Variants in USP4 observed in about 807,000 individuals in gnomAD.
USP4 encodes the protein ubiquitin carboxyl-terminal hydrolase 4.
Under a neutral mutation model 118.2 loss-of-function variants are expected in USP4, and 72 were observed. The ratio of observed to expected loss-of-function variants is 0.61; its 90% CI spans 0.50 to 0.74. USP4 has a LOEUF of 0.74. USP4 is among the 30% of genes least tolerant of loss of function. USP4 has a pLI of 0.00. For synonymous variants in USP4, 415 were observed against 440.4 expected (o/e 0.94, Z 0.72); for missense variants, 1,037 against 1,185.7 (o/e 0.87, Z 1.84).
At chr3:49,298,043 GA>G (rs547623796) in intron 12 of USP4, 79 bp from the exon 13 acceptor site, 1,278 of 839,476 alleles carry the variant, frequency 1.5e-3, no homozygotes, top group South Asian at 2.1e-3. Context: ...AGAAACAAAT[GA>G]AAAAAAAAAT....
intron 2 of USP4, among the ~76,000 whole-genome samples, chr3:49,331,574 T>C (rs1373215099): frequency 6.6e-6 from 1 of 152,138 alleles, no homozygotes; most frequent in African/African-American, 2.4e-5. Flanking sequence ...TAAGCCGAGA[T>C]TGCACCACTG....
intron 2 of USP4, among the ~76,000 whole-genome samples, chr3:49,328,675 C>T (rs2047582414): frequency 6.6e-6 from 1 of 151,598 alleles, no homozygotes; most frequent in Admixed American, 6.6e-5. Context: ...GCCTGGCCAA[C>T]ATGGTGAAAC....
intron 4 of USP4, 152 bp from the exon 5 acceptor site, chr3:49,325,191 T>C: frequency 1.0e-6 from 1 of 987,576 alleles, no homozygotes; most frequent in Non-Finnish European, 1.5e-6. Context: ...TCATCTCCCA[T>C]GGGTGGCCTC....
chr3:49,280,217 C>A (rs1490810973), intron 20 of USP4, among the ~76,000 whole-genome samples: 1 of 151,150 alleles, frequency 6.6e-6, no homozygotes, highest in Non-Finnish European at 1.5e-5. Flanking sequence ...TGAGCCGAGA[C>A]TGCGCCACTG....
chr3:49,316,755 GC>G (rs2107792295), intron 6 of USP4: 1 of 403,098 alleles, frequency 2.5e-6, no homozygotes. Flanking sequence ...CCTGCCCTGG[GC>G]CTCTGCTGGC....
At position 49,336,338 on chromosome 3, in the gene USP4, ATT is replaced by A. The variant is rs1330711484; in HGVS notation, c.102-744_102-743del. Among the ~76,000 whole-genome samples, 17 of 142,728 alleles carry A rather than the reference ATT, an allele frequency of 1.2e-4. No homozygotes were observed. In the East Asian group the frequency reaches 2.6e-3, roughly 21 times the overall value. 93.6% of individuals were successfully genotyped at this position (142,728 alleles called of 152,430 possible). On this transcript the variant is annotated intron_variant, in intron 1 of 21. Transcript: ENST00000265560. ...AGGCATGCATCACCAGGCCCAGCTA[ATT>A]TTTTTGTATTTTTAGTAGAGATGGA...
chr3:49,310,766 A>G (rs1575611850), intron 7 of USP4, 29 bp from the exon 8 acceptor site: 1 of 1,559,300 alleles, frequency 6.4e-7, no homozygotes, highest in African/African-American at 1.4e-5. Flanking sequence ...ATCAGCAATA[A>G]AAGCAAGTGC....
intron 2 of USP4, among the ~76,000 whole-genome samples, chr3:49,330,008 C>T (rs1369373658): frequency 2.0e-5 from 3 of 151,648 alleles, no homozygotes; most frequent in South Asian, 2.1e-4. Context: ...GGTGGAGGGA[C>T]GGGCACCTGT....
rs116868114 is a variant in USP4 at position 49,289,855 on chromosome 3, C to G, written c.1972+2655G>C. On this transcript the variant is annotated intron_variant, in intron 15 of 21. Transcript: ENST00000265560. ...GTGTGGCGGCTCACGCCTATGATCC[C>G]AGCACTCTGGGAGGCCAAGGTGGGT... Among the ~76,000 whole-genome samples the G allele has an allele frequency of 1.1e-3, 171 of 152,190 alleles. 4 individuals carry two copies. The East Asian group carries it at 0.031, about 27-fold the overall frequency.
In USP4 at chr3:49,323,271, T is replaced by TAA. The variant is rs1173500243; in HGVS notation, c.695+1429_695+1430dup. Among the ~76,000 whole-genome samples the TAA allele has an allele frequency of 4.5e-3, 460 of 101,212 alleles. 4 individuals carry two copies. Among genetic ancestry groups the TAA allele is most frequent in the African/African-American group, 0.016 (433 of 26,688 alleles). 66.4% of individuals were successfully genotyped at this position (101,212 alleles called of 152,430 possible). On this transcript the variant is annotated intron_variant, in intron 6 of 21. Transcript: ENST00000265560. ...CATGAGCCACTGCTCCTGGCCTTTTTAAAAAAAAAAAAAAAAAAAAAAAAA... is the reference window on the plus strand; with the variant it reads ...CATGAGCCACTGCTCCTGGCCTTTTTAAAAAAAAAAAAAAAAAAAAAAAAAAA...
chr3:49,326,296 G>A (rs890193457), intron 3 of USP4, among the ~76,000 whole-genome samples: 1 of 151,994 alleles, frequency 6.6e-6, no homozygotes, highest in South Asian at 2.1e-4. Context: ...CAGCCTGGGC[G>A]ACAGAGCGAG....
intron 11 of USP4, 97 bp from the exon 12 acceptor site, chr3:49,298,732 C>T (rs2047234528): frequency 1.9e-6 from 2 of 1,067,188 alleles, no homozygotes; most frequent in South Asian, 1.3e-5. Context: ...AGGAGCCCTT[C>T]TAGAAACAAT....
intron 20 of USP4, 32 bp downstream of exon 20, chr3:49,280,712 C>T (rs773649320): frequency 1.3e-6 from 2 of 1,580,262 alleles, no homozygotes; most frequent in South Asian, 2.2e-5. Context: ...CACATTTCAA[C>T]ATCTCAGAAG....
chr3:49,311,820 G>A, intron 6 of USP4, 166 bp from the exon 7 acceptor site: 3 of 1,330,836 alleles, frequency 2.3e-6, no homozygotes, highest in Non-Finnish European at 2.9e-6. Flanking sequence ...ATTTAAGTGA[G>A]AGTCCACAAA....
chr3:49,334,037 T>C (rs948883053), intron 2 of USP4, among the ~76,000 whole-genome samples: 1 of 151,192 alleles, frequency 6.6e-6, no homozygotes, highest in African/African-American at 2.4e-5. Context: ...AAAAGAAAGC[T>C]CCCTGATCAC....
At chr3:49,305,134 G>A (rs1161389015) in intron 9 of USP4, among the ~76,000 whole-genome samples, 1 of 150,336 alleles carries the variant, frequency 6.7e-6, no homozygotes, top group African/African-American at 2.4e-5. Context: ...GTGCAGAGGC[G>A]CAATCTCGGC....
chr3:49,284,103 G>A lies in USP4; in HGVS notation c.2424C>T (p.Ala808=). Residue 808 remains alanine (A), a synonymous_variant, in exon 19 of 22, where the codon GCC becomes GCT. Coordinates refer to ENST00000265560, the MANE Select transcript of USP4 (RefSeq NM_003363.4). ...AGGACCATAGGTCAAACTTTTTTGT[G>A]GCCTGTTGATGCTTCTTACAGTTGG... ...YCPNCKKHQQ[A]TKKFDLWSLP... is the part of the protein sequence containing the mutation. The A allele has an allele frequency of 6.2e-7, 1 of 1,614,180 alleles. No homozygotes were observed. The highest frequency in any genetic ancestry group is 1.1e-5 in the South Asian group (1 of 91,088).
rs2047724197 is a variant in USP4 at position 49,340,025 on chromosome 3, C to T, written c.-1G>A. The T allele has an allele frequency of 6.2e-7, 1 of 1,606,068 alleles. No homozygotes were observed. The highest frequency in any genetic ancestry group is 8.5e-7 in the Non-Finnish European group (1 of 1,179,602). ...CACGGCAGCCTCCACCTTCCGCCAT[C>T]TCCTCCGCGGCCCCGGCCCAGCCGG... On this transcript the variant is annotated 5_prime_UTR_variant, in exon 1 of 22. Coordinates refer to ENST00000265560, the MANE Select transcript of USP4 (RefSeq NM_003363.4).
Position 49,310,702 on chromosome 3 carries a change from T to C in USP4, c.872A>G (p.Glu291Gly), listed in dbSNP as rs764284888. The C allele has an allele frequency of 1.2e-5, 19 of 1,613,934 alleles. No homozygotes were observed. Among genetic ancestry groups the C allele is most frequent in the Non-Finnish European group, 1.6e-5 (19 of 1,180,022 alleles). Reference protein sequence around the residue: ...SGFSASYNCQEPPSSHIQPGL... With the variant: ...SGFSASYNCQGPPSSHIQPGL... ...AGGTTGTATATGAGAGGATGGTGGC[T>C]CCTGACAATTATACGAAGCAGAAAA... Residue 291 changes from glutamate (E) to glycine (G), a missense_variant, in exon 8 of 22, where the codon GAG becomes GGG. Physicochemically the swap from Glu to Gly is moderately conservative, Grantham distance 98. Coordinates refer to ENST00000265560, the MANE Select transcript of USP4 (RefSeq NM_003363.4).
Sources: allele counts gnomAD v4.1 joint callset (sites outside exome capture counted in the v4.1 genomes callset), GRCh38; gene constraint gnomAD v4.1.1; transcripts MANE v1.5; gene names NCBI Gene and HGNC (gene_info 2026-07-23, HGNC 2026-07-21).